Variants in N4BP1 observed in about 807,000 individuals in gnomAD.
N4BP1 encodes NEDD4 binding protein 1.
In N4BP1, 21 loss-of-function variants were observed where a neutral mutation model predicts 70.9. The ratio of observed to expected loss-of-function variants is 0.30; its 90% CI spans 0.21 to 0.43. N4BP1 has a LOEUF of 0.43. N4BP1 is among the 20% of genes least tolerant of loss of function. N4BP1 has a pLI of 1.00. For synonymous variants in N4BP1, 387 were observed against 394.6 expected (o/e 0.98, Z 0.23); for missense variants, 936 against 1,069.4 (o/e 0.88, Z 1.74).
chr16:48,573,980 T>C (rs1398780107), intron 1 of N4BP1, among the ~76,000 whole-genome samples: 1 of 152,132 alleles, frequency 6.6e-6, no homozygotes, highest in Non-Finnish European at 1.5e-5. Flanking sequence ...GTCTTGCTAT[T>C]TCAGAGGTGG....
intron 1 of N4BP1, among the ~76,000 whole-genome samples, chr16:48,568,850 G>C (rs9934626): frequency 0.36 from 54,893 of 152,102 alleles, 10,148 homozygotes; most frequent in African/African-American, 0.42. Flanking sequence ...GTGTGCTTTC[G>C]ATGTGTCTGG....
At chr16:48,544,974 T>C (rs1963567683) in intron 6 of N4BP1, among the ~76,000 whole-genome samples, 1 of 152,058 alleles carries the variant, frequency 6.6e-6, no homozygotes, top group South Asian at 2.1e-4. Flanking sequence ...TGTTTTTTTG[T>C]TTGTTTTTGA....
At chr16:48,602,793 A>C (rs2151103065) in intron 1 of N4BP1, among the ~76,000 whole-genome samples, 1 of 105,572 alleles carries the variant, frequency 9.5e-6, no homozygotes, top group South Asian at 3.4e-4. Context: ...TCTATAAAAA[A>C]TAAAAATAAA....
rs745562175 is a variant in N4BP1 at position 48,553,669 on chromosome 16, G to A, written c.1890C>T (p.Thr630=). ...IVIDGSNVAI[T]HGLKKFFSCR... ...AAGAAAAGAACTTTTTCAGACCATG[G>A]CTAGAAATTACAAAGTAAAGAAAAT... The change falls in exon 3 of 7, where the codon ACC becomes ACT. Residue 630 remains threonine, a splice_region_variant and synonymous_variant. Coordinates refer to ENST00000262384, the MANE Select transcript of N4BP1 (RefSeq NM_153029.4). The A allele has an allele frequency of 7.7e-5, 120 of 1,565,618 alleles. No homozygotes were observed. Among genetic ancestry groups the A allele is most frequent in the Middle Eastern group, 1.7e-4 (1 of 5,962 alleles).
chr16:48,580,668 C>T (rs1270373931), intron 1 of N4BP1, among the ~76,000 whole-genome samples: 1 of 152,068 alleles, frequency 6.6e-6, no homozygotes, highest in African/African-American at 2.4e-5. Flanking sequence ...AACACAGATA[C>T]AAAAACCTTC....
rs941105659 is a variant in N4BP1, at chr16:48,610,096, G to C, written c.-124C>G. On this transcript the variant is annotated 5_prime_UTR_variant, in exon 1 of 7. Coordinates refer to ENST00000262384, the MANE Select transcript of N4BP1 (RefSeq NM_153029.4). ...CTTCCCGGCCGCCTCGCCCCCGCCC[G>C]CGCCCCGCCGCCCGCCCTCAGGCCC... 8 of 376,450 alleles carry C rather than the reference G, an allele frequency of 2.1e-5. No individual in the cohort carries two copies. The highest frequency in any genetic ancestry group is 1.8e-4 in the African/African-American group (8 of 45,124). The allele number at this position is 376,450 out of a possible 1,614,324, so 23.3% of individuals were successfully genotyped here. A position where few individuals can be genotyped will look rare whatever the true frequency, so the allele number is the denominator to read the frequency against.
rs1963520275 is a variant in N4BP1 at position 48,542,659 on chromosome 16, C to G, written c.*245G>C. 2.5e-6 allele frequency: 1 copy of G among 392,900 alleles called. No homozygotes were observed. Among genetic ancestry groups the G allele is most frequent in the Non-Finnish European group, 4.5e-6 (1 of 221,220 alleles). 24.3% of individuals were successfully genotyped at this position (392,900 alleles called of 1,614,324 possible). A position where few individuals can be genotyped will look rare whatever the true frequency, so the allele number is the denominator to read the frequency against. The stretch of plus-strand genomic sequence containing the variant: ...GTAACTGCTATTAAACAGTTCTGAA[C>G]AGGCAGAAAATGTAGACTTTCCTTT... On this transcript the variant is annotated 3_prime_UTR_variant, in exon 7 of 7. Coordinates refer to ENST00000262384, the MANE Select transcript of N4BP1 (RefSeq NM_153029.4).
intron 1 of N4BP1, among the ~76,000 whole-genome samples, chr16:48,566,865 G>A (rs1963949561): frequency 6.6e-6 from 1 of 152,274 alleles, no homozygotes; most frequent in East Asian, 1.9e-4. Context: ...CCAGTTTTTG[G>A]TTCACATATT....
intron 1 of N4BP1, among the ~76,000 whole-genome samples, chr16:48,595,690 A>T (rs1369679523): frequency 1.3e-5 from 2 of 152,180 alleles, no homozygotes; most frequent in African/African-American, 4.8e-5. Flanking sequence ...GAAACTGGTT[A>T]TTTTACCAAG....
At position 48,539,754 on chromosome 16, in the gene N4BP1, AG is replaced by A; in HGVS notation, c.*3149del. 1 of 152,386 alleles carries A rather than the reference AG, an allele frequency of 6.6e-6. No individual in the cohort carries two copies. Among genetic ancestry groups the A allele is most frequent in the East Asian group, 1.9e-4 (1 of 5,198 alleles). The allele number at this position is 152,386 out of a possible 1,614,324, so 9.4% of individuals were successfully genotyped here. A position where few individuals can be genotyped will look rare whatever the true frequency, so the allele number is the denominator to read the frequency against. ...GGAAAAGTCTGCAAGCCACCTGCAG[AG>A]GAAGAATAGGGTGTTAAGGACTGGC... On this transcript the variant is annotated 3_prime_UTR_variant, in exon 7 of 7. Transcript: ENST00000262384.
chr16:48,561,506 C>G lies in N4BP1; in HGVS notation c.1137G>C (p.Leu379Phe). Residue 379 changes from leucine to phenylalanine, a missense_variant, in exon 2 of 7, where the codon TTG becomes TTC. Around this residue, in one of 4 missense-constraint regions of N4BP1, gnomAD observed 515 missense variants for 491.7 expected, o/e 1.05. Transcript: ENST00000262384. ...TTTCTTTTTCAATTTCCTCTAAGAG[C>G]AATAATGGTTCAGTAGATGGTCCAT... ...KVYGPSTEPLLLLEEIEKENK... is the reference protein window; with the variant it reads ...KVYGPSTEPLFLLEEIEKENK... The G allele has an allele frequency of 1.9e-6, 3 of 1,613,196 alleles. No individual in the cohort carries two copies. Among genetic ancestry groups the G allele is most frequent in the Non-Finnish European group, 2.5e-6 (3 of 1,179,706 alleles).
At chr16:48,558,293 C>CAAA (rs57285875) in intron 2 of N4BP1, among the ~76,000 whole-genome samples, 23 of 98,256 alleles carry the variant, frequency 2.3e-4, no homozygotes, top group African/African-American at 6.4e-4. Context: ...ATCAGTTTTC[C>CAAA]AAAAAAAAAA....
At chr16:48,608,349 C>T (rs772721841) in intron 1 of N4BP1, among the ~76,000 whole-genome samples, 2 of 152,114 alleles carry the variant, frequency 1.3e-5, no homozygotes, top group Non-Finnish European at 2.9e-5. Context: ...GCTGAGTGCC[C>T]CGTCTCCTTT....
intron 1 of N4BP1, among the ~76,000 whole-genome samples, chr16:48,590,883 T>A (rs1290371981): frequency 1.3e-5 from 2 of 151,794 alleles, no homozygotes; most frequent in African/African-American, 2.4e-5. Context: ...CCTTAATTAG[T>A]AGGAAGAGTC....
At chr16:48,545,344 T>C (rs758512005) in intron 6 of N4BP1, among the ~76,000 whole-genome samples, 46 of 149,598 alleles carry the variant, frequency 3.1e-4, no homozygotes, top group Non-Finnish European at 6.8e-4. Context: ...CCGAAGCGGG[T>C]GGATCACCTG....
chr16:48,603,832 T>C (rs1452789602), intron 1 of N4BP1: 1 of 152,330 alleles, frequency 6.6e-6, no homozygotes, highest in African/African-American at 2.4e-5. Context: ...AAAGGTCTTG[T>C]CCCTCCCTTA....
Position 48,561,282 on chromosome 16 carries a change from C to T in N4BP1, c.1361G>A (p.Cys454Tyr), listed in dbSNP as rs1204056031. The change falls in exon 2 of 7, where the codon TGT (cysteine) becomes TAT (tyrosine). Residue 454 changes from cysteine to tyrosine, a missense_variant. By Grantham distance (194) the Cys-to-Tyr change is radical. Coordinates refer to ENST00000262384, the MANE Select transcript of N4BP1 (RefSeq NM_153029.4). ...AGTATTAATTCTACAATTTGAGGTA[C>T]ATGGTTTAGCTTCCACTTTGAATGG... ...QLPFKVEAKP[C>Y]TSNCRINTFR... is the part of the protein sequence containing the mutation. The T allele has an allele frequency of 1.2e-6, 2 of 1,613,868 alleles. No individual in the cohort carries two copies. Among genetic ancestry groups the T allele is most frequent in the Admixed American group, 1.7e-5 (1 of 59,984 alleles).
chr16:48,580,830 C>T (rs1385073565), intron 1 of N4BP1, among the ~76,000 whole-genome samples: 1 of 152,056 alleles, frequency 6.6e-6, no homozygotes, highest in African/African-American at 2.4e-5. Flanking sequence ...TACAATATAA[C>T]TATTTATATC....
chr16:48,592,720 A>G (rs1299056821), intron 1 of N4BP1, among the ~76,000 whole-genome samples: 1 of 152,244 alleles, frequency 6.6e-6, no homozygotes, highest in Non-Finnish European at 1.5e-5. Flanking sequence ...AATATCTTCC[A>G]AATTTAGACA....
Sources: gnomAD v4.1 joint callset for allele counts (sites outside exome capture counted in the v4.1 genomes callset) on GRCh38, gnomAD v4.1.1 for gene constraint, gnomAD v4.1.1 regional missense constraint, MANE v1.5 for transcripts, NCBI Gene and HGNC (gene_info 2026-07-23, HGNC 2026-07-21) for gene names.